CLDN14: variants seen among roughly 807,000 people sequenced by gnomAD.
The protein encoded by CLDN14 is claudin 14.
In CLDN14, 2 loss-of-function variants were observed where a neutral mutation model predicts 2.1. That is an observed-to-expected ratio of 0.96 (90% CI 0.39 to 3.01). CLDN14 has a LOEUF of 3.01. Among genes scored for constraint, CLDN14 ranks in the 30% most tolerant of loss-of-function variants. The pLI is 0.09. For missense variants in CLDN14, 298 were observed against 328.0 expected (o/e 0.91, Z 0.71); for synonymous variants, 136 against 154.4 (o/e 0.88, Z 0.88).
intron 1 of CLDN14, among the ~76,000 whole-genome samples, chr21:36,570,463 G>A (rs945625666): frequency 2.6e-5 from 4 of 152,176 alleles, no homozygotes; most frequent in Non-Finnish European, 5.9e-5. Context: ...TGAGAGGAGG[G>A]TTCCATTCAG....
intron 2 of CLDN14, among the ~76,000 whole-genome samples, chr21:36,504,873 C>T (rs1203145450): frequency 6.6e-6 from 1 of 152,140 alleles, no homozygotes; most frequent in Non-Finnish European, 1.5e-5. Context: ...AGTCACTGCT[C>T]CCAGAGATAG....
chr21:36,491,473 G>A (rs142594367), intron 2 of CLDN14, among the ~76,000 whole-genome samples: 7 of 152,188 alleles, frequency 4.6e-5, no homozygotes, highest in South Asian at 2.1e-4. Flanking sequence ...AGCTTGACAC[G>A]ATCATTTTAA....
At chr21:36,547,444 T>C (rs2087533028) in intron 1 of CLDN14, among the ~76,000 whole-genome samples, 1 of 152,302 alleles carries the variant, frequency 6.6e-6, no homozygotes, top group South Asian at 2.1e-4. Flanking sequence ...GAAATGGTTG[T>C]GTAAAGAGAC....
At chr21:36,548,379 G>A (rs1361288886) in intron 1 of CLDN14, among the ~76,000 whole-genome samples, 2 of 152,194 alleles carry the variant, frequency 1.3e-5, no homozygotes, top group Non-Finnish European at 2.9e-5. Context: ...GCTGCATCAG[G>A]CCCATATTCA....
At chr21:36,513,255 A>G (rs567411472) in intron 1 of CLDN14, among the ~76,000 whole-genome samples, 4 of 152,316 alleles carry the variant, frequency 2.6e-5, no homozygotes, top group African/African-American at 9.6e-5. Flanking sequence ...TAAAAAGAAG[A>G]ACAAAGAAGC....
intron 1 of CLDN14, among the ~76,000 whole-genome samples, chr21:36,568,485 C>T (rs995235319): frequency 2.6e-5 from 4 of 152,106 alleles, no homozygotes; most frequent in Non-Finnish European, 4.4e-5. Flanking sequence ...CCCTAGAGCC[C>T]CTGGCATGGG....
chr21:36,531,076 A>T (rs1362170319), intron 1 of CLDN14, among the ~76,000 whole-genome samples: 1 of 151,960 alleles, frequency 6.6e-6, no homozygotes, highest in Non-Finnish European at 1.5e-5. Context: ...ACTAAAAAAT[A>T]CAAAAATCAG....
At chr21:36,572,213 C>T (rs1427582872) in intron 1 of CLDN14, among the ~76,000 whole-genome samples, 1 of 152,024 alleles carries the variant, frequency 6.6e-6, no homozygotes, top group Admixed American at 6.5e-5. Context: ...GTTTAGGGGT[C>T]GCTATGTAAT....
intron 1 of CLDN14, among the ~76,000 whole-genome samples, chr21:36,538,436 A>G (rs1045204470): frequency 3.9e-5 from 6 of 152,160 alleles, no homozygotes; most frequent in African/African-American, 1.4e-4. Context: ...CAACATAGTG[A>G]AACCCCGTCT....
At chr21:36,465,632 CG>C (rs1568842372) in intron 1 of CLDN14, among the ~76,000 whole-genome samples, 1 of 152,008 alleles carries the variant, frequency 6.6e-6, no homozygotes, top group Non-Finnish European at 1.5e-5. Flanking sequence ...CGTGATGCTC[CG>C]GAAGCGCCCT....
At chr21:36,563,478 A>G (rs192798229) in intron 1 of CLDN14, among the ~76,000 whole-genome samples, 1 of 152,154 alleles carries the variant, frequency 6.6e-6, no homozygotes, top group East Asian at 1.9e-4. Context: ...TGAGGTTAGG[A>G]TATTGAATTC....
chr21:36,521,665 G>C (rs2087271917), intron 1 of CLDN14, among the ~76,000 whole-genome samples: 2 of 152,204 alleles, frequency 1.3e-5, no homozygotes, highest in African/African-American at 4.8e-5. Flanking sequence ...GAATGACAGA[G>C]TGAGGCCCCA....
At chr21:36,483,818 A>G (rs148371221), upstream of CLDN14, among the ~76,000 whole-genome samples, 1,430 of 152,268 alleles carry the variant, frequency 9.4e-3, 17 homozygotes, top group African/African-American at 0.032. Context: ...GGCATTGACA[A>G]TGGCACTATT....
rs367947720 is a variant in CLDN14, at chr21:36,470,966, A to G, written c.-82+8529T>C. Among the ~76,000 whole-genome samples the G allele has an allele frequency of 9.2e-5, 14 of 152,342 alleles. No homozygotes were observed. In the East Asian group the frequency reaches 2.5e-3, roughly 27 times the overall value. On this transcript the variant is annotated intron_variant, in intron 1 of 1. Coordinates refer to ENST00000399135, the MANE Select transcript of CLDN14 (RefSeq NM_001146079.2). Reference sequence around the variant, plus strand: ...ACTCCAGCCTGAGTGAGAGAGCAACATCGTATTTCAAAAAGCAAACAAACA... The same window carrying G: ...ACTCCAGCCTGAGTGAGAGAGCAACGTCGTATTTCAAAAAGCAAACAAACA...
Position 36,544,670 on chromosome 21 carries a change from CT to C in CLDN14, c.-220+31740del, listed in dbSNP as rs1252287151. 6.6e-6 allele frequency among the ~76,000 whole-genome samples: 1 copy of C among 152,186 alleles called. No individual in the cohort carries two copies. The highest frequency in any genetic ancestry group is 2.4e-5 in the African/African-American group (1 of 41,450). On this transcript the variant is annotated intron_variant, in intron 1 of 2. Transcript: ENST00000342108. This position sits in a 1 kb window ranked among gnomAD's most constrained non-coding sequence, Gnocchi z 4.1. Reference sequence around the variant, plus strand: ...TATGCCGTGGACTTTGAAATGAACTCTTTACACCTCCTTCCTGCTGACCCGA... The same window carrying C: ...TATGCCGTGGACTTTGAAATGAACTCTTACACCTCCTTCCTGCTGACCCGA...
At chr21:36,576,054 G>C (rs2087739276) in intron 1 of CLDN14, among the ~76,000 whole-genome samples, 1 of 152,170 alleles carries the variant, frequency 6.6e-6, no homozygotes, top group Admixed American at 6.5e-5. Flanking sequence ...CATGTACTCA[G>C]TAATTAAAAA....
rs899830471 is a variant in CLDN14 at position 36,461,597 on chromosome 21, T to C, written c.99A>G (p.Thr33=). Residue 33 remains threonine (T), a synonymous_variant, in exon 2 of 2, where the codon ACA becomes ACG. Coordinates refer to ENST00000399135, the MANE Select transcript of CLDN14 (RefSeq NM_001146079.2). The part of the protein sequence containing the change: ...ITTILPHWRR[T]AHVGTNILTA... ...TGAGGATGTTGGTGCCCACGTGCGCTGTCCTCCGCCAGTGCGGCAGGATGG... is the reference window on the plus strand; with the variant it reads ...TGAGGATGTTGGTGCCCACGTGCGCCGTCCTCCGCCAGTGCGGCAGGATGG... 3 of 1,609,164 alleles carry C rather than the reference T, an allele frequency of 1.9e-6. No homozygotes were observed. The Admixed American group carries it at 5.0e-5, about 27-fold the overall frequency.
At chr21:36,486,174 C>A (rs1273759235) in intron 2 of CLDN14, 4 of 1,149,444 alleles carry the variant, frequency 3.5e-6, no homozygotes, top group Non-Finnish European at 5.3e-6. Context: ...TGGCAAGTGT[C>A]CATGGCTGAG....
chr21:36,574,259 T>C (rs943462041), intron 1 of CLDN14, among the ~76,000 whole-genome samples: 10 of 152,128 alleles, frequency 6.6e-5, no homozygotes, highest in Admixed American at 3.3e-4. Context: ...ACAAACACAG[T>C]CAACTGATAT....
Sources: allele counts gnomAD v4.1 joint callset (sites outside exome capture counted in the v4.1 genomes callset), GRCh38; gene constraint gnomAD v4.1.1; non-coding constraint Gnocchi (gnomAD v3.1); transcripts MANE v1.5; gene names NCBI Gene and HGNC (gene_info 2026-07-23, HGNC 2026-07-21).